MROH1: variants seen among roughly 807,000 people sequenced by gnomAD.
MROH1 encodes maestro heat like repeat family member 1.
A neutral mutation model predicts 116.5 loss-of-function variants in MROH1; 117 were observed. The ratio of observed to expected loss-of-function variants is 1.00; its 90% CI spans 0.86 to 1.17. The LOEUF (loss-of-function observed/expected upper bound fraction) is 1.17. Ranked by LOEUF, MROH1 falls within the 50% of genes most tolerant of loss-of-function variation. The pLI is 0.00. For missense variants in MROH1, 1,873 were observed against 1,338.5 expected (o/e 1.40, Z -6.23); for synonymous variants, 921 against 583.9 (o/e 1.58, Z -8.32).
At chr8:144,179,006 G>A (rs766859174) in intron 4 of MROH1, among the ~76,000 whole-genome samples, 5 of 151,946 alleles carry the variant, frequency 3.3e-5, no homozygotes, top group South Asian at 2.1e-4. Flanking sequence ...GGTGGGTGGC[G>A]TTTTTCCTTA....
chr8:144,245,090 T>C, intron 28 of MROH1, 66 bp from the exon 29 acceptor site: 2 of 777,298 alleles, frequency 2.6e-6, no homozygotes. Flanking sequence ...TGGCCCACGA[T>C]GCACAAGGCT....
At chr8:144,233,219 C>CT (rs1185513816) in intron 14 of MROH1, among the ~76,000 whole-genome samples, 1 of 151,956 alleles carries the variant, frequency 6.6e-6, no homozygotes, top group East Asian at 1.9e-4. Flanking sequence ...ACTTCAGCGA[C>CT]TTTAAGCTCA....
rs1301699956 is a variant in MROH1, at chr8:144,261,894, G to C, written c.*154G>C. On this transcript the variant is annotated 3_prime_UTR_variant, in exon 44 of 44. Coordinates refer to ENST00000326134, the MANE Select transcript of MROH1 (RefSeq NM_032450.3). ...GGGGACCAAACCCAAGCCCTTCAGT[G>C]AGGGATGTGCCCAATAAACTCATCT... 22 of 667,640 alleles carry C rather than the reference G, an allele frequency of 3.3e-5. No homozygotes were observed. The Middle Eastern group carries it at 1.6e-3, about 47-fold the overall frequency. The allele number at this position is 667,640 out of a possible 1,614,324, so 41.4% of individuals were successfully genotyped here.
chr8:144,167,476 GGAGTGGCCGGTTGTTGGGTA>G (rs1446535078), intron 3 of MROH1, among the ~76,000 whole-genome samples: 94 of 133,100 alleles, frequency 7.1e-4, no homozygotes, highest in African/African-American at 2.1e-3. Flanking sequence ...CAGTTGGGGT[GGAGTGGCCGGTTGTTGGGTA>G]GAGTGGCCGG....
Position 144,202,135 on chromosome 8 carries a change from C to T in MROH1, c.1141+1594C>T, listed in dbSNP as rs562782688. 5.1e-4 allele frequency among the ~76,000 whole-genome samples: 77 copies of T among 152,270 alleles called. 1 individual carries two copies. Among genetic ancestry groups the T allele is most frequent in the Admixed American group, 2.9e-3 (45 of 15,286 alleles). ...TGTAGGCACCTCAGGACACCTTCAG[C>T]GGCCCTTGCCCCAGCAGAAGCAGCC... On this transcript the variant is annotated intron_variant, in intron 12 of 43. Coordinates refer to ENST00000326134, the MANE Select transcript of MROH1 (RefSeq NM_032450.3).
At chr8:144,170,008 GT>G (rs1296997963) in intron 4 of MROH1, among the ~76,000 whole-genome samples, 1 of 152,054 alleles carries the variant, frequency 6.6e-6, no homozygotes, top group African/African-American at 2.4e-5. Flanking sequence ...TAATTTTTGT[GT>G]TTTAGTAGAG....
At chr8:144,175,204 A>T (rs1823517257) in intron 4 of MROH1, 15 of 969,470 alleles carry the variant, frequency 1.5e-5, no homozygotes, top group Non-Finnish European at 1.6e-5. Context: ...GAGTGGGTAT[A>T]AATGCCCTGC....
intron 2 of MROH1, among the ~76,000 whole-genome samples, chr8:144,161,355 T>C (rs937784768): frequency 2.6e-5 from 4 of 152,178 alleles, no homozygotes; most frequent in Non-Finnish European, 5.9e-5. Flanking sequence ...ACCAGTAACT[T>C]GCTGAGTGCC....
intron 12 of MROH1, among the ~76,000 whole-genome samples, chr8:144,219,443 C>T (rs1220199565): frequency 6.6e-6 from 1 of 152,202 alleles, no homozygotes; most frequent in Non-Finnish European, 1.5e-5. Flanking sequence ...CAGCCATGAG[C>T]CACCACACCT....
At position 144,261,676 on chromosome 8, in the gene MROH1, A is replaced by T; in HGVS notation, c.4862A>T (p.Asp1621Val). The change falls in exon 44 of 44, where the codon GAC becomes GTC. Residue 1621 changes from aspartate to valine, a missense_variant. Transcript: ENST00000326134. ...CCAGCGCTCCAGATCCTGCTGAAGG[A>T]CCCGGCCCCCGAGGTGCGGACGAGG... Reference protein sequence around the residue: ...LIAALQILLKDPAPEVRTRAA... With the variant: ...LIAALQILLKVPAPEVRTRAA... 1 of 726,020 alleles carries T rather than the reference A, an allele frequency of 1.4e-6. No homozygotes were observed. Among genetic ancestry groups the T allele is most frequent in the Non-Finnish European group, 2.5e-6 (1 of 399,100 alleles). 45.0% of individuals were successfully genotyped at this position (726,020 alleles called of 1,614,324 possible). A position where few individuals can be genotyped will look rare whatever the true frequency, so the allele number is the denominator to read the frequency against.
chr8:144,249,132 ACTGCGGGAGAAAACAGTGAGGCTGGCC>A (rs1842414070), intron 32 of MROH1, 103 bp downstream of exon 32: 1 of 688,858 alleles, frequency 1.5e-6, no homozygotes, highest in Non-Finnish European at 2.7e-6. Flanking sequence ...GAGAGGTGGC[ACTGCGGGAGAAAACAGTGAGGCTGGCC>A]CTGGCCTGTC....
rs191808262 is a variant in MROH1, at chr8:144,162,088, T to C, written c.-57+999T>C. Among the ~76,000 whole-genome samples, 1,317 of 150,272 alleles carry C rather than the reference T, an allele frequency of 8.8e-3. 60 individuals carry two copies. The highest frequency in any genetic ancestry group is 0.082 in the Admixed American group (1,237 of 15,130). ...ATGTTTTTTTGTTTTTCTTTTCTTT[T>C]TTTTTTTTTTTTTTAAGACAGAGTC... is the stretch of plus-strand genomic sequence containing the variant. On this transcript the variant is annotated intron_variant, in intron 2 of 43. Coordinates refer to ENST00000326134, the MANE Select transcript of MROH1 (RefSeq NM_032450.3).
chr8:144,240,783 C>T (rs1588434055), intron 20 of MROH1, 106 bp downstream of exon 20: 2 of 689,996 alleles, frequency 2.9e-6, no homozygotes, highest in African/African-American at 3.5e-5. Flanking sequence ...CCCTGGTGGC[C>T]TGGCAGAGCC....
Position 144,168,391 on chromosome 8 carries a change from C to T in MROH1, c.119C>T (p.Pro40Leu), listed in dbSNP as rs755630252. The change falls in exon 4 of 44, where the codon CCG becomes CTG. Residue 40 changes from proline (P) to leucine (L), a missense_variant. Coordinates refer to ENST00000326134, the MANE Select transcript of MROH1 (RefSeq NM_032450.3). ...CTGTGCTCCCTCGGGGAGGCGCGGCCGGTGGAGACGCTCCGTGCCTGCGAG... is the reference window on the plus strand; with the variant it reads ...CTGTGCTCCCTCGGGGAGGCGCGGCTGGTGGAGACGCTCCGTGCCTGCGAG... ...SALCSLGEAR[P>L]VETLRACEEY... is the part of the protein sequence containing the mutation. 8.1e-6 allele frequency: 13 copies of T among 1,611,384 alleles called. No individual in the cohort carries two copies. The highest frequency in any genetic ancestry group is 1.6e-4 in the Middle Eastern group (1 of 6,066).
rs148289168 is a variant in MROH1 at position 144,170,065 on chromosome 8, T to C, written c.168+1625T>C. On this transcript the variant is annotated intron_variant, in intron 4 of 43. Transcript: ENST00000326134. ...CCATGTTGGTCTCGAACTCCTGACC[T>C]CAAGTGATCTGCCAGCCTCGGCCTC... 3.3e-4 allele frequency among the ~76,000 whole-genome samples: 50 copies of C among 152,326 alleles called. 2 individuals are homozygous for C. The East Asian group carries it at 9.1e-3, about 28-fold the overall frequency.
At chr8:144,199,579 C>T (rs1371845142) in intron 11 of MROH1, among the ~76,000 whole-genome samples, 3 of 152,208 alleles carry the variant, frequency 2.0e-5, no homozygotes, top group Non-Finnish European at 2.9e-5. Flanking sequence ...GGTCACCTGC[C>T]AGCCTCCCAT....
chr8:144,258,686 C>T (rs1158101095), intron 35 of MROH1, 91 bp from the exon 36 acceptor site: 1 of 700,182 alleles, frequency 1.4e-6, no homozygotes, highest in South Asian at 1.5e-5. Flanking sequence ...ACCAGGTGGG[C>T]AACACGCATT....
intron 1 of MROH1, among the ~76,000 whole-genome samples, chr8:144,151,247 CAAAAAAAAAAAAA>C (rs1160118892): frequency 1.3e-4 from 3 of 22,966 alleles, no homozygotes; most frequent in Admixed American, 5.2e-4. Flanking sequence ...TATTCTGTCT[CAAAAAAAAAAAAA>C]AAAAAAAAAA....
At chr8:144,195,218 A>AAAAAAAAAAAAAAAAAAAAC (rs1829571783) in intron 10 of MROH1, among the ~76,000 whole-genome samples, 1 of 141,978 alleles carries the variant, frequency 7.0e-6, no homozygotes, top group African/African-American at 2.5e-5. Context: ...AAAAAAAAAA[A>AAAAAAAAAAAAAAAAAAAAC]AGGCCGAGTG....
Sources: allele counts gnomAD v4.1 joint callset (sites outside exome capture counted in the v4.1 genomes callset), GRCh38; gene constraint gnomAD v4.1.1; transcripts MANE v1.5; gene names NCBI Gene and HGNC (gene_info 2026-07-23, HGNC 2026-07-21).